MYT1L: variants seen among roughly 807,000 people sequenced by gnomAD.
The protein encoded by MYT1L is myelin transcription factor 1-like protein.
In MYT1L, 12 loss-of-function variants were observed where a neutral mutation model predicts 126.7. The observed-to-expected ratio is 0.09, with a 90% confidence interval of 0.06 to 0.15. The LOEUF (loss-of-function observed/expected upper bound fraction) is 0.15. Among genes scored for constraint, MYT1L ranks in the 10% least tolerant of loss-of-function variants. The pLI, the probability that MYT1L is intolerant of heterozygous loss-of-function variation, is 1.00. For synonymous variants in MYT1L, 541 were observed against 604.2 expected (o/e 0.90, Z 1.53); for missense variants, 979 against 1,585.2 (o/e 0.62, Z 6.49).
chr2:2,179,723 C>T (rs572558080), intron 2 of MYT1L, among the ~76,000 whole-genome samples: 1 of 152,210 alleles, frequency 6.6e-6, no homozygotes, highest in African/African-American at 2.4e-5. Context: ...CTAGGTCTCC[C>T]GAAGCTTGGT....
rs143404671 is a variant in MYT1L at position 1,892,750 on chromosome 2, C to T, written c.2033-463G>A. Among the ~76,000 whole-genome samples, 1,209 of 152,230 alleles carry T rather than the reference C, an allele frequency of 7.9e-3. 7 individuals carry two copies. The highest frequency in any genetic ancestry group is 0.027 in the Middle Eastern group (8 of 294). On this transcript the variant is annotated intron_variant, in intron 14 of 24. Transcript: ENST00000647738. ...AGGGCTCGTGAGCACTTTTGGTGAC[C>T]CAACCTGGATCCGCGGTCCCTTATC... is the stretch of plus-strand genomic sequence containing the variant.
At chr2:2,219,445 T>G (rs921417475) in intron 2 of MYT1L, among the ~76,000 whole-genome samples, 1 of 152,204 alleles carries the variant, frequency 6.6e-6, no homozygotes, top group Non-Finnish European at 1.5e-5. Context: ...GAAGCAAAAT[T>G]TATTCAAAGA....
intron 8 of MYT1L, among the ~76,000 whole-genome samples, chr2:1,962,617 C>T (rs965637238): frequency 2.6e-5 from 4 of 152,168 alleles, no homozygotes; most frequent in Non-Finnish European, 5.9e-5. Context: ...AGCATTTTAC[C>T]CACAGTAGAA....
At chr2:2,294,365 A>C (rs1408849081) in intron 1 of MYT1L, among the ~76,000 whole-genome samples, 3 of 152,170 alleles carry the variant, frequency 2.0e-5, no homozygotes, top group Non-Finnish European at 2.9e-5. Context: ...GATGGTTTCA[A>C]TTTAGAAAGA....
rs1197637882 is a variant in MYT1L, at chr2:1,840,900, C to CTTTTTTTTTTTTTTTTTTTT, written c.2775-58_2775-57insAAAAAAAAAAAAAAAAAAAA. ...CACACCGTTGATTTCAGTGAGCTTT[C>CTTTTTTTTTTTTTTTTTTTT]TTTCTTTTTTTTTTTTTTTTTGAGA... On this transcript the variant is annotated intron_variant, in intron 19 of 24. Transcript: ENST00000647738. 3 of 732,050 alleles carry CTTTTTTTTTTTTTTTTTTTT rather than the reference C, an allele frequency of 4.1e-6. 1 individual carries two copies. The highest frequency in any genetic ancestry group is 2.0e-6 in the Non-Finnish European group (1 of 504,304). 45.3% of individuals were successfully genotyped at this position (732,050 alleles called of 1,614,324 possible). A position where few individuals can be genotyped will look rare whatever the true frequency, so the allele number is the denominator to read the frequency against.
At chr2:1,836,527 C>T (rs899560796) in intron 21 of MYT1L, among the ~76,000 whole-genome samples, 1 of 150,740 alleles carries the variant, frequency 6.6e-6, no homozygotes, top group Admixed American at 6.6e-5. Flanking sequence ...TTCCATCAGC[C>T]TGCGCTCCAA....
intron 21 of MYT1L, among the ~76,000 whole-genome samples, chr2:1,814,250 C>G (rs986389945): frequency 6.6e-6 from 1 of 152,108 alleles, no homozygotes; most frequent in Admixed American, 6.5e-5. Context: ...CTGTCCCCAT[C>G]CAACTGACCT....
At chr2:2,248,090 A>C (rs1342217294) in intron 2 of MYT1L, among the ~76,000 whole-genome samples, 1 of 152,070 alleles carries the variant, frequency 6.6e-6, no homozygotes, top group Non-Finnish European at 1.5e-5. Flanking sequence ...AAGATCAATG[A>C]AACTGTTTTT....
rs531347624 is a variant in MYT1L at position 1,846,518 on chromosome 2, C to CACGGACAGAGCAT, written c.2774+5110_2774+5122dup. ...GGGAGGGAAAGGCTGGGGGTGAGCA[C>CACGGACAGAGCAT]ACGGACAGAGCATACGGACAGCTCC... On this transcript the variant is annotated intron_variant, in intron 19 of 24. Coordinates refer to ENST00000647738, the MANE Select transcript of MYT1L (RefSeq NM_001303052.2). Among the ~76,000 whole-genome samples, 111 of 152,206 alleles carry CACGGACAGAGCAT rather than the reference C, an allele frequency of 7.3e-4. 1 individual carries two copies. Among genetic ancestry groups the CACGGACAGAGCAT allele is most frequent in the African/African-American group, 2.6e-3 (106 of 41,534 alleles).
intron 3 of MYT1L, among the ~76,000 whole-genome samples, chr2:2,139,386 G>A (rs542482629): frequency 2.6e-5 from 4 of 152,124 alleles, no homozygotes; most frequent in African/African-American, 4.8e-5. Context: ...TTGGGAGGCC[G>A]AGGTGGGTGG....
intron 21 of MYT1L, among the ~76,000 whole-genome samples, chr2:1,817,663 T>G (rs995436438): frequency 2.7e-5 from 4 of 150,912 alleles, no homozygotes; most frequent in East Asian, 2.0e-4. Context: ...CCCTGGGGGG[T>G]GGTGGCGGCC....
intron 3 of MYT1L, among the ~76,000 whole-genome samples, chr2:2,095,937 T>A (rs1374077025): frequency 6.6e-6 from 1 of 152,070 alleles, no homozygotes; most frequent in Non-Finnish European, 1.5e-5. Flanking sequence ...GGGCCCCAGA[T>A]GCCGCTGAGG....
At chr2:1,800,983 C>G (rs2034741251) in intron 23 of MYT1L, among the ~76,000 whole-genome samples, 1 of 152,124 alleles carries the variant, frequency 6.6e-6, no homozygotes, top group Non-Finnish European at 1.5e-5. Context: ...AAATTCCACT[C>G]CCAGAGTGTA....
intron 8 of MYT1L, among the ~76,000 whole-genome samples, chr2:1,978,942 G>A (rs1235691371): frequency 6.6e-6 from 1 of 152,076 alleles, no homozygotes; most frequent in Non-Finnish European, 1.5e-5. Flanking sequence ...CTGAATTTGT[G>A]TCATCCTAAG....
At chr2:1,833,393 G>A (rs1396930539) in intron 21 of MYT1L, among the ~76,000 whole-genome samples, 1 of 152,156 alleles carries the variant, frequency 6.6e-6, no homozygotes, top group Non-Finnish European at 1.5e-5. Context: ...CATGGTCCCT[G>A]GTCATGGCCT....
chr2:1,836,599 A>C (rs2040930216), intron 21 of MYT1L, among the ~76,000 whole-genome samples: 1 of 146,782 alleles, frequency 6.8e-6, no homozygotes, highest in Non-Finnish European at 1.5e-5. Context: ...ATCAGCCTGT[A>C]CCCCAAGATC....
chr2:1,853,328 C>G (rs1213964405), intron 18 of MYT1L, among the ~76,000 whole-genome samples: 1 of 152,170 alleles, frequency 6.6e-6, no homozygotes, highest in African/African-American at 2.4e-5. Context: ...TTTCAAACAG[C>G]GTCTGCATAT....
chr2:2,268,268 C>T (rs1475427218), intron 2 of MYT1L, among the ~76,000 whole-genome samples: 2 of 152,062 alleles, frequency 1.3e-5, no homozygotes, highest in Admixed American at 6.6e-5. Context: ...TAATTTACCT[C>T]TATAATACAG....
chr2:1,802,177 C>T lies in MYT1L; in HGVS notation c.3173-378G>A, dbSNP rs77100241. Among the ~76,000 whole-genome samples, 101 of 152,252 alleles carry T rather than the reference C, an allele frequency of 6.6e-4. No homozygotes were observed. The East Asian group carries it at 0.018, about 27-fold the overall frequency. ...CCTGCTTTTGTTCTCTCTCTCGACT[C>T]GCTGTCTGCATCAGTCATTCTGCAA... On this transcript the variant is annotated intron_variant, in intron 22 of 24. Transcript: ENST00000647738.
Sources: allele counts gnomAD v4.1 joint callset (sites outside exome capture counted in the v4.1 genomes callset), GRCh38; gene constraint gnomAD v4.1.1; transcripts MANE v1.5; gene names NCBI Gene and HGNC (gene_info 2026-07-23, HGNC 2026-07-21).